Variants in GRIK3 observed in about 807,000 individuals in gnomAD.
The protein encoded by GRIK3 is glutamate receptor ionotropic, kainate 3.
Under a neutral mutation model 102.5 loss-of-function variants are expected in GRIK3, and 29 were observed. That is an observed-to-expected ratio of 0.28 (90% CI 0.21 to 0.39). GRIK3 has a LOEUF of 0.39. GRIK3 is among the 10% of genes least tolerant of loss of function. The pLI is 1.00. For synonymous variants in GRIK3, 511 were observed against 504.9 expected (o/e 1.01, Z -0.16); for missense variants, 908 against 1,252.4 (o/e 0.73, Z 4.15).
intron 1 of GRIK3, among the ~76,000 whole-genome samples, chr1:36,992,269 G>A (rs751430040): frequency 1.5e-4 from 23 of 152,280 alleles, no homozygotes; most frequent in Middle Eastern, 3.4e-3. Context: ...AAAAAACCAG[G>A]AGTGTAGTGA....
intron 3 of GRIK3, among the ~76,000 whole-genome samples, chr1:36,873,978 C>G (rs1264874984): frequency 1.3e-5 from 2 of 152,186 alleles, no homozygotes; most frequent in African/African-American, 2.4e-5. Context: ...TCCTAATGAT[C>G]TTCACTTCAG....
chr1:36,853,487 G>C (rs941571747), intron 8 of GRIK3, 128 bp downstream of exon 8: 4 of 650,908 alleles, frequency 6.1e-6, no homozygotes, highest in Non-Finnish European at 1.1e-5. Context: ...ACTGGACCAA[G>C]TCAATCCCTG....
At chr1:36,863,070 T>C (rs980775594) in intron 5 of GRIK3, among the ~76,000 whole-genome samples, 3 of 152,202 alleles carry the variant, frequency 2.0e-5, no homozygotes, top group East Asian at 3.8e-4. Flanking sequence ...TATTAACTCA[T>C]TGATTCACAT....
At chr1:36,847,667 A>G (rs1640534013) in intron 9 of GRIK3, among the ~76,000 whole-genome samples, 1 of 152,234 alleles carries the variant, frequency 6.6e-6, no homozygotes, top group South Asian at 2.1e-4. Flanking sequence ...TCTGAACTCT[A>G]TGAAGTAGGT....
chr1:36,872,117 T>G lies in GRIK3; in HGVS notation c.732+71A>C. 4 of 1,381,394 alleles carry G rather than the reference T, an allele frequency of 2.9e-6. No homozygotes were observed. The Admixed American group carries it at 9.1e-5, about 31-fold the overall frequency. The allele number at this position is 1,381,394 out of a possible 1,614,324, so 85.6% of individuals were successfully genotyped here. On this transcript the variant is annotated intron_variant, in intron 4 of 15. Transcript: ENST00000373091. This position sits in a 1 kb window ranked among gnomAD's most constrained non-coding sequence, Gnocchi z 5.9. ...AGATCTGGCAGCATCACACCCACAT[T>G]TGGGAAGGGGACGTGGGAGAAGTGG...
In GRIK3 at chr1:36,799,454, TC is replaced by T; in HGVS notation, c.*2396del. Reference sequence around the variant, plus strand: ...TCACACGACTCTCTGGTCCTGGCCTTCCCCCCGCTCCCCACTGTGCACACAT... The same window carrying T: ...TCACACGACTCTCTGGTCCTGGCCTTCCCCCGCTCCCCACTGTGCACACAT... On this transcript the variant is annotated 3_prime_UTR_variant, in exon 16 of 16. Transcript: ENST00000373091. 6.6e-6 allele frequency: 1 copy of T among 152,436 alleles called. No homozygotes were observed. The highest frequency in any genetic ancestry group is 1.5e-5 in the Non-Finnish European group (1 of 68,170). The allele number at this position is 152,436 out of a possible 1,614,324, so 9.4% of individuals were successfully genotyped here.
intron 1 of GRIK3, among the ~76,000 whole-genome samples, chr1:36,960,737 C>G (rs76002390): frequency 0.024 from 3,711 of 152,328 alleles, 61 homozygotes; most frequent in Middle Eastern, 0.088. Flanking sequence ...CCATTCACCC[C>G]CTAGACACAG....
chr1:37,000,673 G>A lies in GRIK3; in HGVS notation c.115+33321C>T, dbSNP rs527447325. 1.5e-4 allele frequency among the ~76,000 whole-genome samples: 23 copies of A among 152,320 alleles called. No homozygotes were observed. The South Asian group carries it at 4.3e-3, about 29-fold the overall frequency. ...GAGGTCCAGGGAGTTGCAGTGACTT[G>A]TTAAAAGTCACACAGCTGGCAGGGT... On this transcript the variant is annotated intron_variant, in intron 1 of 15. Coordinates refer to ENST00000373091, the MANE Select transcript of GRIK3 (RefSeq NM_000831.4).
At chr1:36,996,043 A>G (rs58886464) in intron 1 of GRIK3, among the ~76,000 whole-genome samples, 48,412 of 151,554 alleles carry the variant, frequency 0.32, 8,135 homozygotes, top group South Asian at 0.36. Context: ...GTGGCCCGAG[A>G]TCCTCCACCA....
intron 1 of GRIK3, among the ~76,000 whole-genome samples, chr1:36,903,830 G>C (rs945944482): frequency 6.6e-6 from 1 of 152,154 alleles, no homozygotes; most frequent in Non-Finnish European, 1.5e-5. Context: ...AGATGCATTG[G>C]TAAAAACACA....
chr1:36,828,927 C>T (rs1453848899), intron 10 of GRIK3, among the ~76,000 whole-genome samples: 1 of 152,194 alleles, frequency 6.6e-6, no homozygotes, highest in Non-Finnish European at 1.5e-5. Context: ...CCAGCCCTTC[C>T]CCCAGATCCT....
At chr1:36,822,189 G>T (rs918473980) in intron 11 of GRIK3, among the ~76,000 whole-genome samples, 1 of 152,212 alleles carries the variant, frequency 6.6e-6, no homozygotes, top group African/African-American at 2.4e-5. Context: ...GTCTTCTGGG[G>T]CTTGGCTGCA....
intron 1 of GRIK3, among the ~76,000 whole-genome samples, chr1:36,922,353 G>A (rs548445262): frequency 6.8e-4 from 104 of 152,282 alleles, no homozygotes; most frequent in African/African-American, 2.3e-3. Flanking sequence ...GGTACCACCC[G>A]CCCCCTTAAG....
chr1:36,985,546 G>T (rs1181062843), intron 1 of GRIK3, among the ~76,000 whole-genome samples: 1 of 152,160 alleles, frequency 6.6e-6, no homozygotes. Context: ...TCAGGTCCTT[G>T]TCCTGCTGGG....
intron 1 of GRIK3, among the ~76,000 whole-genome samples, chr1:36,970,450 C>T (rs1206101398): frequency 2.0e-5 from 3 of 152,178 alleles, no homozygotes; most frequent in Non-Finnish European, 4.4e-5. Context: ...CTGGGTCATT[C>T]TATGCACCAT....
At chr1:36,953,849 T>C (rs1415119419) in intron 1 of GRIK3, among the ~76,000 whole-genome samples, 1 of 151,880 alleles carries the variant, frequency 6.6e-6, no homozygotes, top group African/African-American at 2.4e-5. Flanking sequence ...CTGAAGAAGC[T>C]CCCCTGGAGG....
chr1:36,825,943 C>A (rs1178621288), intron 10 of GRIK3, 117 bp from the exon 11 acceptor site: 5 of 687,308 alleles, frequency 7.3e-6, no homozygotes, highest in East Asian at 2.7e-5. Context: ...AGCCCCAGGT[C>A]ACTAACCGCT....
intron 11 of GRIK3, among the ~76,000 whole-genome samples, chr1:36,822,679 T>C (rs1023166006): frequency 2.0e-5 from 3 of 152,108 alleles, no homozygotes; most frequent in African/African-American, 7.2e-5. Flanking sequence ...AGACAGGGCA[T>C]CCACTATGGC....
intron 10 of GRIK3, among the ~76,000 whole-genome samples, chr1:36,830,684 C>A (rs1291917173): frequency 6.6e-6 from 1 of 151,850 alleles, no homozygotes; most frequent in African/African-American, 2.4e-5. Flanking sequence ...GTGGCATGCA[C>A]CTGTAATCCC....
Sources: gnomAD v4.1 joint callset for allele counts (sites outside exome capture counted in the v4.1 genomes callset) on GRCh38, gnomAD v4.1.1 for gene constraint, Gnocchi (gnomAD v3.1) non-coding constraint, MANE v1.5 for transcripts, NCBI Gene and HGNC (gene_info 2026-07-23, HGNC 2026-07-21) for gene names.